Variants in LRP1B observed in about 807,000 individuals in gnomAD.
LRP1B encodes low-density lipoprotein receptor-related protein 1B.
In LRP1B, 217 loss-of-function variants were observed where a neutral mutation model predicts 556.6. The ratio of observed to expected loss-of-function variants is 0.39; its 90% CI spans 0.35 to 0.44. The LOEUF (loss-of-function observed/expected upper bound fraction) is 0.44, where lower values mean the gene tolerates loss of function less well. Ranked by LOEUF, LRP1B falls within the 20% of genes least tolerant of loss-of-function variation. The probability of loss-of-function intolerance (pLI) is 1.00; values close to 1 mark genes in which losing one functional copy is unlikely to be tolerated. For synonymous variants in LRP1B, 2,047 were observed against 1,865.8 expected (o/e 1.10, Z -2.50); for missense variants, 5,053 against 5,620.8 (o/e 0.90, Z 3.23).
At chr2:140,532,365 C>T (rs377105820) in intron 47 of LRP1B, among the ~76,000 whole-genome samples, 1 of 151,498 alleles carries the variant, frequency 6.6e-6, no homozygotes, top group African/African-American at 2.4e-5. Flanking sequence ...CTTCCCATAC[C>T]TTCTCTGTTT....
intron 7 of LRP1B, among the ~76,000 whole-genome samples, chr2:141,102,034 A>G (rs1325016877): frequency 2.0e-5 from 3 of 152,292 alleles, no homozygotes; most frequent in East Asian, 1.9e-4. Flanking sequence ...GTTATCCAGT[A>G]TTATACAATT....
chr2:140,402,825 G>A (rs1450102984), intron 66 of LRP1B, among the ~76,000 whole-genome samples: 1 of 152,138 alleles, frequency 6.6e-6, no homozygotes. Context: ...TTCTGAAGCT[G>A]GAATCATCAA....
intron 1 of LRP1B, among the ~76,000 whole-genome samples, chr2:142,115,495 AT>A (rs1707161376): frequency 7.0e-5 from 7 of 100,132 alleles, no homozygotes; most frequent in Non-Finnish European, 1.3e-4. Context: ...ATATAATTAT[AT>A]ATAATATATA....
intron 1 of LRP1B, among the ~76,000 whole-genome samples, chr2:142,119,139 G>C (rs1274219597): frequency 6.6e-6 from 1 of 152,088 alleles, no homozygotes; most frequent in South Asian, 2.1e-4. Flanking sequence ...AAATGCCTGA[G>C]CTTTGAATCT....
intron 7 of LRP1B, among the ~76,000 whole-genome samples, chr2:141,175,800 G>A (rs1219405073): frequency 6.6e-6 from 1 of 152,088 alleles, no homozygotes; most frequent in African/African-American, 2.4e-5. Flanking sequence ...ACCTGGAAAA[G>A]GCATAGGCAT....
chr2:140,983,617 T>A (rs1036038451), intron 17 of LRP1B, among the ~76,000 whole-genome samples: 10 of 152,104 alleles, frequency 6.6e-5, no homozygotes, highest in African/African-American at 2.4e-4. Flanking sequence ...CTTGCAGTGT[T>A]AAGATGTATA....
chr2:140,567,591 CAA>C lies in LRP1B; in HGVS notation c.7195-25622_7195-25621del, dbSNP rs369760247. On this transcript the variant is annotated intron_variant, in intron 43 of 90. Transcript: ENST00000389484. ...GAGCAATCAACATCCAATTCTGGAACAAAGAGTGAAGTTGCACCTCATGACCC... is the reference window on the plus strand; with the variant it reads ...GAGCAATCAACATCCAATTCTGGAACAGAGTGAAGTTGCACCTCATGACCC... 7.9e-5 allele frequency among the ~76,000 whole-genome samples: 12 copies of C among 152,280 alleles called. No homozygotes were observed. The East Asian group carries it at 1.9e-3, about 25-fold the overall frequency.
At chr2:142,019,191 T>G (rs1020802300) in intron 1 of LRP1B, among the ~76,000 whole-genome samples, 2 of 152,222 alleles carry the variant, frequency 1.3e-5, no homozygotes, top group Non-Finnish European at 2.9e-5. Flanking sequence ...ATTTCATTTT[T>G]AATTTTCACA....
At chr2:141,321,725 C>T (rs1245127658) in intron 3 of LRP1B, among the ~76,000 whole-genome samples, 1 of 152,056 alleles carries the variant, frequency 6.6e-6, no homozygotes. Context: ...GATGAATAAA[C>T]AGTAACTTGT....
At chr2:141,987,573 T>G (rs1702231288) in intron 1 of LRP1B, among the ~76,000 whole-genome samples, 1 of 151,478 alleles carries the variant, frequency 6.6e-6, no homozygotes, top group Non-Finnish European at 1.5e-5. Flanking sequence ...TCTTTCTTTT[T>G]TCTTTTTCTC....
At chr2:141,224,786 G>A (rs1162226335) in intron 6 of LRP1B, among the ~76,000 whole-genome samples, 1 of 152,106 alleles carries the variant, frequency 6.6e-6, no homozygotes, top group Admixed American at 6.6e-5. Context: ...ATGGATACAA[G>A]GAGGGGAACA....
chr2:140,800,168 T>C (rs1012368915), intron 32 of LRP1B, among the ~76,000 whole-genome samples: 15 of 152,120 alleles, frequency 9.9e-5, no homozygotes, highest in African/African-American at 3.4e-4. Context: ...AAACACCGCA[T>C]GTTCTCACTC....
chr2:141,551,816 T>C (rs1685760322), intron 2 of LRP1B, among the ~76,000 whole-genome samples: 1 of 152,066 alleles, frequency 6.6e-6, no homozygotes, highest in Non-Finnish European at 1.5e-5. Flanking sequence ...ATGCTCTCAT[T>C]TAATAAAAAT....
chr2:141,301,009 G>A (rs1686372473), intron 3 of LRP1B, among the ~76,000 whole-genome samples: 1 of 152,072 alleles, frequency 6.6e-6, no homozygotes, highest in Admixed American at 6.6e-5. Context: ...AAGTCAGAGA[G>A]GAAGAATGTT....
At chr2:141,840,239 C>T (rs1157202806) in intron 1 of LRP1B, among the ~76,000 whole-genome samples, 2 of 145,554 alleles carry the variant, frequency 1.4e-5, no homozygotes, top group Admixed American at 6.9e-5. Context: ...ATTAGGTCAT[C>T]GTATTAGAAC....
chr2:140,284,308 C>CCCA (rs1558770210), intron 84 of LRP1B, among the ~76,000 whole-genome samples: 1 of 135,168 alleles, frequency 7.4e-6, no homozygotes, highest in Non-Finnish European at 1.6e-5. Flanking sequence ...CCCTCCCCCC[C>CCCA]AAAAAAAAAC....
chr2:140,767,555 A>G (rs1360854546), intron 35 of LRP1B, among the ~76,000 whole-genome samples: 1 of 151,850 alleles, frequency 6.6e-6, no homozygotes, highest in Non-Finnish European at 1.5e-5. Flanking sequence ...ACTCATTCAG[A>G]TGATCTATTT....
At chr2:141,930,217 A>T (rs1700455008) in intron 1 of LRP1B, among the ~76,000 whole-genome samples, 1 of 152,078 alleles carries the variant, frequency 6.6e-6, no homozygotes, top group Non-Finnish European at 1.5e-5. Context: ...ACTTTTAAAT[A>T]TTAAACTAAG....
intron 86 of LRP1B, among the ~76,000 whole-genome samples, chr2:140,256,798 CA>C (rs536036229): frequency 2.5e-4 from 38 of 151,518 alleles, no homozygotes; most frequent in Admixed American, 9.9e-4. Context: ...CAATAAAACT[CA>C]GCAAAAAAAT....
Sources: allele counts gnomAD v4.1 joint callset (sites outside exome capture counted in the v4.1 genomes callset), GRCh38; gene constraint gnomAD v4.1.1; transcripts MANE v1.5; gene names NCBI Gene and HGNC (gene_info 2026-07-23, HGNC 2026-07-21).